GNA15: variants seen among roughly 807,000 people sequenced by gnomAD.
The protein encoded by GNA15 is G protein subunit alpha 15, also known as guanine nucleotide-binding protein subunit alpha-15.
Under a neutral mutation model 40.1 loss-of-function variants are expected in GNA15, and 23 were observed. That is an observed-to-expected ratio of 0.57 (90% CI 0.41 to 0.81). The LOEUF (loss-of-function observed/expected upper bound fraction) is 0.81. Among genes scored for constraint, GNA15 ranks in the 40% least tolerant of loss-of-function variants. The pLI, the probability that GNA15 is intolerant of heterozygous loss-of-function variation, is 0.00. For missense variants in GNA15, 522 were observed against 515.8 expected, an observed-to-expected ratio of 1.01 and a Z score of -0.12; for synonymous variants, 226 against 210.4, an observed-to-expected ratio of 1.07 and a Z score of -0.64.
intron 4 of GNA15, among the ~76,000 whole-genome samples, chr19:3,152,798 T>C (rs1354882865): frequency 6.6e-6 from 1 of 152,016 alleles, no homozygotes; most frequent in Non-Finnish European, 1.5e-5. Flanking sequence ...TTTCCCTAAA[T>C]CCCCCAAACC....
chr19:3,157,107 C>T (rs1448176331), intron 5 of GNA15, among the ~76,000 whole-genome samples: 1 of 152,048 alleles, frequency 6.6e-6, no homozygotes, highest in African/African-American at 2.4e-5. Context: ...AAGCGATTTT[C>T]CTGCCTCAGC....
At chr19:3,149,504 C>T (rs1599325065) in intron 2 of GNA15, 1 of 156,028 alleles carries the variant, frequency 6.4e-6, no homozygotes. Flanking sequence ...GCCCCACACA[C>T]AAATATGCAA....
In GNA15 at chr19:3,151,694, C is replaced by G. The variant is rs768321367; in HGVS notation, c.486-13C>G. The G allele has an allele frequency of 6.3e-7, 1 of 1,579,850 alleles. No individual in the cohort carries two copies. The highest frequency in any genetic ancestry group is 8.6e-7 in the Non-Finnish European group (1 of 1,163,396). ...GGCTGCAAGGCTGGGCCTCAGGACT[C>G]CTTGCTCTGCAGCTACCTGTCCCAC... On this transcript the variant is annotated splice_polypyrimidine_tract_variant and intron_variant, in intron 3 of 6. Coordinates refer to ENST00000262958, the MANE Select transcript of GNA15 (RefSeq NM_002068.4). The surrounding 1 kb of genome is among the most constrained non-coding windows in gnomAD (Gnocchi z 5.0).
chr19:3,138,827 A>G (rs1276438716), intron 1 of GNA15, among the ~76,000 whole-genome samples: 1 of 147,582 alleles, frequency 6.8e-6, no homozygotes, highest in Non-Finnish European at 1.5e-5. Flanking sequence ...TTTAGTAGAG[A>G]TGGGGTTCCA....
At chr19:3,156,163 GAC>G (rs141415003) in intron 5 of GNA15, among the ~76,000 whole-genome samples, 20,158 of 135,830 alleles carry the variant, frequency 0.15, 1,491 homozygotes, top group Middle Eastern at 0.19. Context: ...CAGGACCCCA[GAC>G]ACACACACAC....
At position 3,151,618 on chromosome 19, in the gene GNA15, A is replaced by T. The variant is rs529914130; in HGVS notation, c.486-89A>T. ...TCCACCCAGGGAGCTCTCCTCCCCCAGCAGGGTCCTTGCTGGGCCTTTCGT... is the reference window on the plus strand; with the variant it reads ...TCCACCCAGGGAGCTCTCCTCCCCCTGCAGGGTCCTTGCTGGGCCTTTCGT... On this transcript the variant is annotated intron_variant, in intron 3 of 6. Coordinates refer to ENST00000262958, the MANE Select transcript of GNA15 (RefSeq NM_002068.4). The surrounding 1 kb of genome is among the most constrained non-coding windows in gnomAD (Gnocchi z 5.0). 2.6e-4 allele frequency: 377 copies of T among 1,432,378 alleles called. 1 individual carries two copies. In the African/African-American group the frequency reaches 5.0e-3, roughly 19 times the overall value. The allele number at this position is 1,432,378 out of a possible 1,614,324, so 88.7% of individuals were successfully genotyped here.
intron 1 of GNA15, among the ~76,000 whole-genome samples, chr19:3,138,792 A>C (rs1207963187): frequency 1.8e-5 from 2 of 110,788 alleles, no homozygotes; most frequent in African/African-American, 7.1e-5. Context: ...CACCACGCCC[A>C]GTTAATTTTT....
At chr19:3,152,976 G>T (rs570999814) in intron 4 of GNA15, among the ~76,000 whole-genome samples, 2 of 152,216 alleles carry the variant, frequency 1.3e-5, no homozygotes, top group Non-Finnish European at 2.9e-5. Context: ...GGTAAATGTG[G>T]GTGGATGGTT....
At chr19:3,148,871 G>A (rs74675399) in intron 2 of GNA15, 96 bp downstream of exon 2, 140,554 of 1,132,892 alleles carry the variant, frequency 0.12, 8,895 homozygotes, top group Non-Finnish European at 0.15. Context: ...CAGACTTCAG[G>A]GCAGGGCAGG....
intron 1 of GNA15, among the ~76,000 whole-genome samples, chr19:3,144,342 T>C (rs190632691): frequency 2.6e-5 from 4 of 152,024 alleles, no homozygotes; most frequent in African/African-American, 9.6e-5. Context: ...AGGATGTTTG[T>C]TTATTGCACT....
At chr19:3,139,698 GAAC>G (rs1279523683) in intron 1 of GNA15, among the ~76,000 whole-genome samples, 1 of 151,710 alleles carries the variant, frequency 6.6e-6, no homozygotes, top group Admixed American at 6.6e-5. Flanking sequence ...AGGAGGTTGA[GAAC>G]ATCCTGGCTA....
At chr19:3,147,304 G>A (rs890143473) in intron 1 of GNA15, among the ~76,000 whole-genome samples, 4 of 152,076 alleles carry the variant, frequency 2.6e-5, no homozygotes, top group Non-Finnish European at 4.4e-5. Flanking sequence ...TGTAATCCCA[G>A]CACTTTGGGA....
chr19:3,158,938 G>C (rs543846546), intron 6 of GNA15, among the ~76,000 whole-genome samples: 1 of 150,418 alleles, frequency 6.6e-6, no homozygotes, highest in East Asian at 2.0e-4. Context: ...TGGCCATAAC[G>C]TTTCTTTTTC....
chr19:3,143,713 G>A (rs549551527), intron 1 of GNA15, among the ~76,000 whole-genome samples: 1 of 152,158 alleles, frequency 6.6e-6, no homozygotes, highest in South Asian at 2.1e-4. Flanking sequence ...ACAGAACTGA[G>A]TTTGAATCCC....
At chr19:3,144,325 G>A (rs1227218684) in intron 1 of GNA15, among the ~76,000 whole-genome samples, 6 of 151,880 alleles carry the variant, frequency 4.0e-5, no homozygotes, top group Admixed American at 3.9e-4. Flanking sequence ...TCAAAGAAAC[G>A]GGTGGGAGGA....
chr19:3,148,812 A>G, intron 2 of GNA15, 37 bp downstream of exon 2: 2 of 1,542,186 alleles, frequency 1.3e-6, no homozygotes, highest in Non-Finnish European at 1.8e-6. Context: ...CAGGGCAGGC[A>G]GGGGCCCAGG....
intron 6 of GNA15, among the ~76,000 whole-genome samples, chr19:3,158,622 CTTCT>C: frequency 6.6e-6 from 1 of 151,778 alleles, no homozygotes; most frequent in Admixed American, 6.6e-5. Flanking sequence ...TTCTTTCTTT[CTTCT>C]ATTTTTTCTT....
intron 1 of GNA15, among the ~76,000 whole-genome samples, chr19:3,147,671 C>T (rs1479190601): frequency 2.6e-5 from 4 of 151,986 alleles, no homozygotes; most frequent in Admixed American, 6.5e-5. Flanking sequence ...CTTTGGGAGG[C>T]CGAGGCGGGT....
In GNA15 at chr19:3,163,052, G is replaced by A. The variant is rs564491757; in HGVS notation, c.*33G>A. 9.6e-6 allele frequency: 14 copies of A among 1,461,528 alleles called. No homozygotes were observed. Among genetic ancestry groups the A allele is most frequent in the East Asian group, 9.1e-5 (4 of 44,040 alleles). The allele number at this position is 1,461,528 out of a possible 1,614,324, so 90.5% of individuals were successfully genotyped here. A position where few individuals can be genotyped will look rare whatever the true frequency, so the allele number is the denominator to read the frequency against. ...CCCACCTGGGGCAGGCGGCACCGGC[G>A]GGCGGGTGGGAGGTGGGAGTGGCTG... On this transcript the variant is annotated 3_prime_UTR_variant, in exon 7 of 7. Transcript: ENST00000262958.
Sources: gnomAD v4.1 joint callset for allele counts (sites outside exome capture counted in the v4.1 genomes callset) on GRCh38, gnomAD v4.1.1 for gene constraint, Gnocchi (gnomAD v3.1) non-coding constraint, MANE v1.5 for transcripts, NCBI Gene and HGNC (gene_info 2026-07-23, HGNC 2026-07-21) for gene names.